The following ZKSCAN1 variants were observed in gnomAD, a reference collection of about 807,000 sequenced individuals.
ZKSCAN1 encodes the protein zinc finger with KRAB and SCAN domains 1, also known as zinc finger protein with KRAB and SCAN domains 1.
ZKSCAN1 carries 14 observed loss-of-function variants against 51.6 expected under a neutral mutation model. The observed-to-expected ratio is 0.27, with a 90% confidence interval of 0.18 to 0.42. The LOEUF (loss-of-function observed/expected upper bound fraction) is 0.42, where lower values mean the gene tolerates loss of function less well. ZKSCAN1 is among the 10% of genes least tolerant of loss of function. The pLI, the probability that ZKSCAN1 is intolerant of heterozygous loss-of-function variation, is 1.00. For missense variants in ZKSCAN1, 531 were observed against 710.0 expected, an observed-to-expected ratio of 0.75 and a Z score of 2.86; for synonymous variants, 263 against 261.5, an observed-to-expected ratio of 1.01 and a Z score of -0.06.
intron 1 of ZKSCAN1, among the ~76,000 whole-genome samples, chr7:100,021,283 G>C (rs901521076): frequency 6.6e-6 from 1 of 151,738 alleles, no homozygotes; most frequent in Non-Finnish European, 1.5e-5. Context: ...ACCATGCCCA[G>C]CTAATTTTTT....
At chr7:100,022,295 C>T (rs189087164) in intron 1 of ZKSCAN1, among the ~76,000 whole-genome samples, 133 of 152,336 alleles carry the variant, frequency 8.7e-4, no homozygotes, top group Middle Eastern at 3.4e-3. Flanking sequence ...CCTCGTGATC[C>T]GCACGCCTTG....
chr7:100,038,218 TC>T lies in ZKSCAN1; in HGVS notation c.*4023del, dbSNP rs1389682295. The T allele has an allele frequency of 1.0e-6, 1 of 985,294 alleles. No individual in the cohort carries two copies. The highest frequency in any genetic ancestry group is 1.7e-5 in the African/African-American group (1 of 57,224). The allele number at this position is 985,294 out of a possible 1,614,324, so 61.0% of individuals were successfully genotyped here. A position where few individuals can be genotyped will look rare whatever the true frequency, so the allele number is the denominator to read the frequency against. On this transcript the variant is annotated 3_prime_UTR_variant, in exon 6 of 6. Transcript: ENST00000324306. ...TGTACCTTCAGTCCCTTGTTATTGT[TC>T]CGTATATTACCTGTAAGCAGATACT... is the stretch of plus-strand genomic sequence containing the variant.
Position 100,023,666 on chromosome 7 carries a change from A to G in ZKSCAN1, c.160A>G (p.Ile54Val). The G allele has an allele frequency of 5.0e-6, 8 of 1,614,132 alleles. No homozygotes were observed. Among genetic ancestry groups the G allele is most frequent in the Non-Finnish European group, 6.8e-6 (8 of 1,180,040 alleles). The change falls in exon 2 of 6, where the codon ATA (isoleucine) becomes GTA (valine). Residue 54 changes from isoleucine (I) to valine (V), a missense_variant. Physicochemically the swap from Ile to Val is conservative, Grantham distance 29. Around this residue, in one of 2 missense-constraint regions of ZKSCAN1, gnomAD observed 403 missense variants for 490.5 expected, o/e 0.82. Transcript: ENST00000324306. ...GGACACGCCTCCTCCAGACCCAGAG[A>G]TATTCCGCCAACGCTTCAGGCGCTT... ...LQDTPPPDPEIFRQRFRRFCY... is the reference protein window; with the variant it reads ...LQDTPPPDPEVFRQRFRRFCY...
chr7:100,045,335 C>G (rs944157863), downstream of ZKSCAN1, among the ~76,000 whole-genome samples: 3 of 151,638 alleles, frequency 2.0e-5, no homozygotes, highest in Admixed American at 6.6e-5. Context: ...ATCCTGAGGT[C>G]AGGAGATCCA....
Position 100,038,546 on chromosome 7 carries a change from C to G in ZKSCAN1, c.*4349C>G. ...TGAGCTGTCAGGTGACCACTGTGTG[C>G]AAAGGGGATGGATTCTCTTGTCAGT... On this transcript the variant is annotated 3_prime_UTR_variant, in exon 6 of 6. Transcript: ENST00000324306. 1.0e-6 allele frequency: 1 copy of G among 985,416 alleles called. No individual in the cohort carries two copies. The highest frequency in any genetic ancestry group is 1.2e-6 in the Non-Finnish European group (1 of 829,956). The allele number at this position is 985,416 out of a possible 1,614,324, so 61.0% of individuals were successfully genotyped here.
downstream of ZKSCAN1, among the ~76,000 whole-genome samples, chr7:100,045,232 C>G (rs79711484): frequency 4.0e-3 from 595 of 150,428 alleles, 10 homozygotes; most frequent in African/African-American, 0.014. Flanking sequence ...CATGGCGAAA[C>G]CCCTACGAAA....
chr7:100,044,791 CTT>C (rs763319115), downstream of ZKSCAN1: 158 of 984,300 alleles, frequency 1.6e-4, no homozygotes, highest in Admixed American at 2.5e-4. Flanking sequence ...TAGCAAATGT[CTT>C]TGCAGCTTTC....
At chr7:100,030,527 T>C in intron 5 of ZKSCAN1, 152 bp downstream of exon 5, 1 of 1,038,990 alleles carries the variant, frequency 9.6e-7, no homozygotes, top group South Asian at 1.9e-5. Flanking sequence ...ATGTTTGTGT[T>C]CATTTAACTC....
chr7:100,039,320 A>G lies in ZKSCAN1; in HGVS notation c.*5123A>G, dbSNP rs113754728. 4 of 875,638 alleles carry G rather than the reference A, an allele frequency of 4.6e-6. No homozygotes were observed. The highest frequency in any genetic ancestry group is 5.0e-5 in the South Asian group (1 of 20,080). The allele number at this position is 875,638 out of a possible 1,614,324, so 54.2% of individuals were successfully genotyped here. On this transcript the variant is annotated 3_prime_UTR_variant, in exon 6 of 6. Coordinates refer to ENST00000324306, the MANE Select transcript of ZKSCAN1 (RefSeq NM_003439.4). ...GAGACTCTGTCTCAAAAAAAGAAAA[A>G]AAAAAAAGAAAGAAAGAAAGAAAAT... is the stretch of plus-strand genomic sequence containing the variant.
chr7:100,028,378 G>A (rs2115893512), intron 3 of ZKSCAN1, among the ~76,000 whole-genome samples: 1 of 152,192 alleles, frequency 6.6e-6, no homozygotes. Context: ...CTTGGGTACA[G>A]TGGCTCACAC....
chr7:100,039,685 G>A lies in ZKSCAN1; in HGVS notation c.*5488G>A. On this transcript the variant is annotated 3_prime_UTR_variant, in exon 6 of 6. Coordinates refer to ENST00000324306, the MANE Select transcript of ZKSCAN1 (RefSeq NM_003439.4). ...CATGGAAGACTGTGTGTATGAATTG[G>A]AGTAACAGAACTGAAATACACTTAA... The A allele has an allele frequency of 1.0e-6, 1 of 985,394 alleles. No homozygotes were observed. The highest frequency in any genetic ancestry group is 1.2e-6 in the Non-Finnish European group (1 of 829,950). The allele number at this position is 985,394 out of a possible 1,614,324, so 61.0% of individuals were successfully genotyped here.
At position 100,034,083 on chromosome 7, in the gene ZKSCAN1, C is replaced by T. The variant is rs1468358270; in HGVS notation, c.1578C>T (p.Phe526=). Residue 526 remains phenylalanine, a synonymous_variant, in exon 6 of 6, where the codon TTC becomes TTT. Transcript: ENST00000324306. ...PYKCTKCGKA[F]TRSSTLTLHH... is the part of the protein sequence containing the mutation. ...AGTGCACTAAGTGTGGCAAGGCCTTCACCCGCAGCTCCACCCTCACTCTGC... is the reference window on the plus strand; with the variant it reads ...AGTGCACTAAGTGTGGCAAGGCCTTTACCCGCAGCTCCACCCTCACTCTGC... 1 of 1,612,622 alleles carries T rather than the reference C, an allele frequency of 6.2e-7. No homozygotes were observed. Among genetic ancestry groups the T allele is most frequent in the South Asian group, 1.1e-5 (1 of 90,928 alleles).
chr7:100,037,582 T>C lies in ZKSCAN1; in HGVS notation c.*3385T>C, dbSNP rs1270113568. 23 of 985,314 alleles carry C rather than the reference T, an allele frequency of 2.3e-5. No homozygotes were observed. The South Asian group carries it at 9.9e-4, about 42-fold the overall frequency. 61.0% of individuals were successfully genotyped at this position (985,314 alleles called of 1,614,324 possible). A position where few individuals can be genotyped will look rare whatever the true frequency, so the allele number is the denominator to read the frequency against. On this transcript the variant is annotated 3_prime_UTR_variant, in exon 6 of 6. Transcript: ENST00000324306. ...TTTAATCACATCTCAGCCCTTAGCA[T>C]CGGAAAGCTTATACTGTAAATAAAC...
chr7:100,030,422 C>G (rs1791059231), intron 5 of ZKSCAN1, 47 bp downstream of exon 5: 1 of 1,582,886 alleles, frequency 6.3e-7, no homozygotes, highest in Non-Finnish European at 8.6e-7. Flanking sequence ...TTTTGTCTCT[C>G]TGTGTGTTAG....
At chr7:100,025,366 C>T (rs1372091866) in intron 3 of ZKSCAN1, among the ~76,000 whole-genome samples, 1 of 146,072 alleles carries the variant, frequency 6.8e-6, no homozygotes, top group South Asian at 2.1e-4. Flanking sequence ...AGGTTATTTT[C>T]AGAAATTTCA....
In ZKSCAN1 at chr7:100,036,811, G is replaced by T. The variant is rs1197293824; in HGVS notation, c.*2614G>T. The T allele has an allele frequency of 1.0e-6, 1 of 979,000 alleles. No homozygotes were observed. Among genetic ancestry groups the T allele is most frequent in the Non-Finnish European group, 1.2e-6 (1 of 828,850 alleles). 60.6% of individuals were successfully genotyped at this position (979,000 alleles called of 1,614,324 possible). A position where few individuals can be genotyped will look rare whatever the true frequency, so the allele number is the denominator to read the frequency against. On this transcript the variant is annotated 3_prime_UTR_variant, in exon 6 of 6. Transcript: ENST00000324306. ...ATTTTTTAAGAGGGAAAGGACTTTG[G>T]TCATGTTTACATTGGCCTTTGGTTT...
At chr7:100,028,523 G>A (rs1790944873) in intron 3 of ZKSCAN1, among the ~76,000 whole-genome samples, 1 of 152,050 alleles carries the variant, frequency 6.6e-6, no homozygotes. Flanking sequence ...TTGTATAAAG[G>A]TTTGAAATAG....
chr7:100,025,630 G>A (rs960224876), intron 3 of ZKSCAN1, among the ~76,000 whole-genome samples: 1 of 152,130 alleles, frequency 6.6e-6, no homozygotes, highest in Non-Finnish European at 1.5e-5. Flanking sequence ...TTTGTTGTGC[G>A]AACATCATAA....
In ZKSCAN1 at chr7:100,040,995, A is replaced by G. The variant is rs1271207453; in HGVS notation, c.*6798A>G. 5.1e-6 allele frequency: 5 copies of G among 985,310 alleles called. No individual in the cohort carries two copies. Among genetic ancestry groups the G allele is most frequent in the Non-Finnish European group, 2.4e-6 (2 of 829,922 alleles). 61.0% of individuals were successfully genotyped at this position (985,310 alleles called of 1,614,324 possible). ...TTTGGGGGTAAGGGGTGGGATAGCC[A>G]AGCAAAATCAGTAATTATTTTAAAA... On this transcript the variant is annotated 3_prime_UTR_variant, in exon 6 of 6. Coordinates refer to ENST00000324306, the MANE Select transcript of ZKSCAN1 (RefSeq NM_003439.4).
Sources: gnomAD v4.1 joint callset for allele counts (sites outside exome capture counted in the v4.1 genomes callset) on GRCh38, gnomAD v4.1.1 for gene constraint, gnomAD v4.1.1 regional missense constraint, MANE v1.5 for transcripts, NCBI Gene and HGNC (gene_info 2026-07-23, HGNC 2026-07-21) for gene names.